The following GABRA3 variants were observed in gnomAD, a reference collection of about 807,000 sequenced individuals.
GABRA3 encodes gamma-aminobutyric acid receptor subunit alpha-3.
A neutral mutation model predicts 30.1 loss-of-function variants in GABRA3; 10 were observed. The observed-to-expected ratio is 0.33, with a 90% CI of 0.20 to 0.56. GABRA3 has a LOEUF of 0.56. GABRA3 is among the 20% of genes least tolerant of loss of function. GABRA3 has a pLI of 0.89. For missense variants in GABRA3, 233 were observed against 392.0 expected, an observed-to-expected ratio of 0.59 and a Z score of 3.42; for synonymous variants, 151 against 146.8, an observed-to-expected ratio of 1.03 and a Z score of -0.21.
chrX:152,228,920 GA>G (rs2124385467), intron 5 of GABRA3, among the ~76,000 whole-genome samples: 1 of 110,835 alleles, frequency 9.0e-6, no homozygotes, highest in East Asian at 2.9e-4. Context: ...GCACAGATTA[GA>G]AAAAAAGAAA....
At chrX:152,197,892 C>A (rs1018679309) in intron 7 of GABRA3, 107 bp from the exon 8 acceptor site, 2 of 578,556 alleles carry the variant, frequency 3.5e-6, no homozygotes, top group African/African-American at 4.6e-5. Context: ...TTCAATATTC[C>A]AGCATCTCCC....
chrX:152,225,440 A>ACACACG (rs1937931662), intron 5 of GABRA3, among the ~76,000 whole-genome samples: 2 of 107,107 alleles, frequency 1.9e-5, no homozygotes, highest in East Asian at 3.0e-4. Context: ...ACGCACACAC[A>ACACACG]CACACACACA....
chrX:152,367,363 T>C (rs1185172954), intron 1 of GABRA3, among the ~76,000 whole-genome samples: 1 of 111,647 alleles, frequency 9.0e-6, no homozygotes, highest in African/African-American at 3.3e-5. Context: ...TAGAAGAGAT[T>C]ATCCATGATA....
chrX:152,403,984 A>G, intron 1 of GABRA3, among the ~76,000 whole-genome samples: 1 of 111,150 alleles, frequency 9.0e-6, no homozygotes, highest in South Asian at 3.8e-4. Context: ...GGAGAACTCA[A>G]GCAGAAAAAA....
intron 3 of GABRA3, among the ~76,000 whole-genome samples, chrX:152,337,634 G>A (rs187534462): frequency 9.0e-6 from 1 of 110,918 alleles, no homozygotes; most frequent in African/African-American, 3.3e-5. Context: ...TTCAAGACCA[G>A]CCTGGGCAAC....
At chrX:152,374,994 C>T (rs1228108670) in intron 1 of GABRA3, among the ~76,000 whole-genome samples, 2 of 111,021 alleles carry the variant, frequency 1.8e-5, no homozygotes, top group Non-Finnish European at 3.8e-5. Flanking sequence ...TTCCATTGGT[C>T]GATGTGTCTG....
chrX:152,251,327 G>A (rs1016470824), intron 5 of GABRA3, among the ~76,000 whole-genome samples: 1 of 110,518 alleles, frequency 9.0e-6, no homozygotes, highest in Non-Finnish European at 1.9e-5. Context: ...TCCTTTGCTC[G>A]GCTTCATCCT....
At chrX:152,215,009 T>C (rs1937691180) in intron 6 of GABRA3, among the ~76,000 whole-genome samples, 1 of 105,690 alleles carries the variant, frequency 9.5e-6, no homozygotes, top group Non-Finnish European at 2.0e-5. Flanking sequence ...CATATATATA[T>C]ACACACACAT....
chrX:152,317,893 G>A (rs1569395066), intron 3 of GABRA3, among the ~76,000 whole-genome samples: 1 of 110,856 alleles, frequency 9.0e-6, no homozygotes, highest in African/African-American at 3.3e-5. Context: ...GACAATCAAA[G>A]GTCACACCTC....
At chrX:152,427,274 T>A (rs1930536842) in intron 1 of GABRA3, among the ~76,000 whole-genome samples, 2 of 111,904 alleles carry the variant, frequency 1.8e-5, no homozygotes, top group African/African-American at 6.5e-5. Flanking sequence ...GACCTTGGAA[T>A]AAGGCCCAAA....
At chrX:152,281,047 T>G (rs1332773138) in intron 4 of GABRA3, among the ~76,000 whole-genome samples, 1 of 110,916 alleles carries the variant, frequency 9.0e-6, no homozygotes, top group East Asian at 2.8e-4. Context: ...GCCTGGAGCC[T>G]TAGGATCTTG....
At chrX:152,253,465 C>T (rs1481683815) in intron 5 of GABRA3, among the ~76,000 whole-genome samples, 2 of 111,156 alleles carry the variant, frequency 1.8e-5, no homozygotes, top group Non-Finnish European at 3.8e-5. Flanking sequence ...CCTATAGTAC[C>T]ATCTTTCACC....
Position 152,337,635 on chromosome X carries a change from C to T in GABRA3, c.262+7946G>A, listed in dbSNP as rs773760368. 1.7e-4 allele frequency among the ~76,000 whole-genome samples: 19 copies of T among 110,725 alleles called. No homozygotes were observed. In the East Asian group the frequency reaches 5.1e-3, roughly 30 times the overall value. ...TTTGAGCCCAGGAGTTCAAGACCAG[C>T]CTGGGCAACATAGTGAGACCCTGTC... On this transcript the variant is annotated intron_variant, in intron 3 of 9. Coordinates refer to ENST00000370314, the MANE Select transcript of GABRA3 (RefSeq NM_000808.4).
At chrX:152,192,794 T>C (rs1469446712) in intron 8 of GABRA3, among the ~76,000 whole-genome samples, 2 of 111,726 alleles carry the variant, frequency 1.8e-5, no homozygotes, top group Non-Finnish European at 3.8e-5. Flanking sequence ...TTTTACAAAG[T>C]CCTATCTGAC....
chrX:152,345,022 C>G, intron 3 of GABRA3, among the ~76,000 whole-genome samples: 1 of 111,477 alleles, frequency 9.0e-6, no homozygotes, highest in Non-Finnish European at 1.9e-5. Flanking sequence ...AAACTGATGG[C>G]CAACTAAGAT....
intron 2 of GABRA3, among the ~76,000 whole-genome samples, chrX:152,354,926 T>C (rs1027632585): frequency 2.7e-5 from 3 of 111,745 alleles, no homozygotes; most frequent in African/African-American, 9.7e-5. Context: ...TACATGTAAA[T>C]GGAAGGGTTT....
intron 4 of GABRA3, among the ~76,000 whole-genome samples, chrX:152,279,076 T>C (rs960155175): frequency 5.4e-5 from 6 of 111,997 alleles, no homozygotes; most frequent in Admixed American, 9.5e-5. Context: ...TTCACTCTGA[T>C]GGTAGTTTCT....
intron 5 of GABRA3, among the ~76,000 whole-genome samples, chrX:152,235,172 A>C (rs1451592913): frequency 9.0e-6 from 1 of 111,340 alleles, no homozygotes. Flanking sequence ...TTCGTTGTTG[A>C]GATCTTTCAC....
intron 1 of GABRA3, among the ~76,000 whole-genome samples, chrX:152,411,127 T>C (rs1930061503): frequency 9.0e-6 from 1 of 111,254 alleles, no homozygotes; most frequent in African/African-American, 3.3e-5. Context: ...CTGGGTAACA[T>C]AGTGAGACAC....
Sources: gnomAD v4.1 joint callset for allele counts (sites outside exome capture counted in the v4.1 genomes callset) on GRCh38, gnomAD v4.1.1 for gene constraint, MANE v1.5 for transcripts, NCBI Gene and HGNC (gene_info 2026-07-23, HGNC 2026-07-21) for gene names.